Variants in ZFHX3 observed in about 807,000 individuals in gnomAD.
ZFHX3 encodes zinc finger homeobox protein 3.
ZFHX3 carries 42 observed loss-of-function variants against 279.1 expected under a neutral mutation model. That is an observed-to-expected ratio of 0.15 (90% CI 0.12 to 0.19). The LOEUF is 0.19. Ranked by LOEUF, ZFHX3 falls within the 10% of genes least tolerant of loss-of-function variation. ZFHX3 has a pLI of 1.00. For missense variants in ZFHX3, 4,981 were observed against 4,754.0 expected (o/e 1.05, Z -1.40); for synonymous variants, 2,293 against 1,957.8 (o/e 1.17, Z -4.52).
intron 4 of ZFHX3, among the ~76,000 whole-genome samples, chr16:73,294,827 A>C (rs922509161): frequency 1.3e-5 from 2 of 150,232 alleles, no homozygotes; most frequent in African/African-American, 4.9e-5. Flanking sequence ...AAAAAAAACC[A>C]AAAAACAAAA....
chr16:72,796,591 G>A lies in ZFHX3; in HGVS notation c.6091C>T (p.Pro2031Ser), dbSNP rs1597241053. 8.1e-6 allele frequency: 13 copies of A among 1,613,830 alleles called. No individual in the cohort carries two copies. In the East Asian group the frequency reaches 2.9e-4, roughly 36 times the overall value. ...QYRDHYDKLYPLRPQTPEPPP... is the reference protein window; with the variant it reads ...QYRDHYDKLYSLRPQTPEPPP... ...GGCTCTGGGGTCTGGGGCCTCAGTG[G>A]GTACAGTTTATCGTAGTGGTCTCTG... is the stretch of plus-strand genomic sequence containing the variant. Residue 2031 changes from proline (P) to serine (S), a missense_variant, in exon 9 of 10, where the codon CCA (proline) becomes TCA (serine). Around this residue, in one of 7 missense-constraint regions of ZFHX3, gnomAD observed 1,751 missense variants for 1,770.0 expected, o/e 0.99. Coordinates refer to ENST00000268489, the MANE Select transcript of ZFHX3 (RefSeq NM_006885.4).
Position 72,787,701 on chromosome 16 carries a change from G to T in ZFHX3, c.10575C>A (p.Gly3525=). ...ACGCCAGGCAGTGGTACGAGCCGCC[G>T]CCGCCGCCGCCGCCGCCACCGCCGC... ...GGGGGGGGGG[G]GGSYHCLACE... is the part of the protein sequence containing the mutation. The change falls in exon 10 of 10, where the codon GGC becomes GGA. Residue 3525 remains glycine (G), a synonymous_variant. Transcript: ENST00000268489. The T allele has an allele frequency of 3.8e-6, 5 of 1,322,576 alleles. No homozygotes were observed. Among genetic ancestry groups the T allele is most frequent in the Non-Finnish European group, 4.0e-6 (4 of 1,007,874 alleles). The allele number at this position is 1,322,576 out of a possible 1,614,324, so 81.9% of individuals were successfully genotyped here.
intron 3 of ZFHX3, among the ~76,000 whole-genome samples, chr16:73,429,221 A>C (rs1729554979): frequency 6.6e-6 from 1 of 152,200 alleles, no homozygotes; most frequent in Admixed American, 6.5e-5. Context: ...CAAAGTAGGT[A>C]AAGTAAGCTA....
chr16:72,891,644 G>A (rs2038776127), intron 3 of ZFHX3, among the ~76,000 whole-genome samples: 1 of 152,194 alleles, frequency 6.6e-6, no homozygotes, highest in Non-Finnish European at 1.5e-5. Flanking sequence ...GTTAGTTAGG[G>A]GGAGAGAGAG....
chr16:73,285,724 G>T (rs1400808203), intron 4 of ZFHX3, among the ~76,000 whole-genome samples: 1 of 152,148 alleles, frequency 6.6e-6, no homozygotes, highest in Non-Finnish European at 1.5e-5. Context: ...TTTTATTTAA[G>T]CCCCCTGTTA....
At chr16:73,664,228 C>A (rs1449347448) in intron 2 of ZFHX3, among the ~76,000 whole-genome samples, 2 of 152,150 alleles carry the variant, frequency 1.3e-5, no homozygotes, top group East Asian at 1.9e-4. Flanking sequence ...TTCTGCACAT[C>A]TAGAAGCCTT....
intron 3 of ZFHX3, among the ~76,000 whole-genome samples, chr16:72,929,166 A>G (rs1203759586): frequency 6.6e-6 from 1 of 151,926 alleles, no homozygotes; most frequent in East Asian, 1.9e-4. Context: ...TGAACCTGGG[A>G]AGTGGAGGTT....
Position 72,794,304 on chromosome 16 carries a change from T to G in ZFHX3, c.8378A>C (p.Glu2793Ala). The G allele has an allele frequency of 6.2e-7, 1 of 1,610,278 alleles. No homozygotes were observed. Among genetic ancestry groups the G allele is most frequent in the African/African-American group, 1.3e-5 (1 of 74,882 alleles). ...VPLSPVSKTMELSPRTLLSPS... is the reference protein window; with the variant it reads ...VPLSPVSKTMALSPRTLLSPS... ...GCTTAGAAGAGTTCTGGGTGACAAT[T>G]CCATGGTTTTACTCACAGGTGAGAG... Residue 2793 changes from glutamate to alanine, a missense_variant, in exon 9 of 10, where the codon GAA becomes GCA. Around this residue, in one of 7 missense-constraint regions of ZFHX3, gnomAD observed 744 missense variants for 701.3 expected, o/e 1.06. Coordinates refer to ENST00000268489, the MANE Select transcript of ZFHX3 (RefSeq NM_006885.4). This position sits in a 1 kb window ranked among gnomAD's most constrained non-coding sequence, Gnocchi z 4.2.
intron 5 of ZFHX3, among the ~76,000 whole-genome samples, chr16:73,171,267 T>C (rs1967516238): frequency 6.6e-6 from 1 of 152,102 alleles, no homozygotes; most frequent in Middle Eastern, 3.2e-3. Flanking sequence ...GTGCTATTAA[T>C]AATTACTCTG....
intron 1 of ZFHX3, among the ~76,000 whole-genome samples, chr16:72,995,474 C>T (rs765501408): frequency 1.1e-4 from 17 of 152,140 alleles, no homozygotes; most frequent in Non-Finnish European, 1.9e-4. Flanking sequence ...GAAATTAAAC[C>T]GCTGGCACAA....
intron 3 of ZFHX3, among the ~76,000 whole-genome samples, chr16:73,451,884 A>G (rs1377039037): frequency 1.3e-5 from 2 of 152,240 alleles, no homozygotes; most frequent in Non-Finnish European, 2.9e-5. Flanking sequence ...CGTCATTTTG[A>G]GCCCAACTTT....
chr16:73,750,022 AC>A (rs2053746961), intron 1 of ZFHX3, among the ~76,000 whole-genome samples: 1 of 152,086 alleles, frequency 6.6e-6, no homozygotes, highest in Admixed American at 6.5e-5. Flanking sequence ...CCACCCAACT[AC>A]CCATCCATTC....
chr16:72,876,781 G>A (rs1209978922), intron 4 of ZFHX3, among the ~76,000 whole-genome samples: 1 of 152,024 alleles, frequency 6.6e-6, no homozygotes, highest in Admixed American at 6.6e-5. Flanking sequence ...AGCCGCCTGT[G>A]GCCAGATTTT....
At position 73,763,037 on chromosome 16, in the gene ZFHX3, C is replaced by A. The variant is rs1023115960; in HGVS notation, c.-1607-82797G>T. On this transcript the variant is annotated intron_variant, in intron 1 of 17. Coordinates refer to the ZFHX3 transcript ENST00000641206. Reference sequence around the variant, plus strand: ...GTGGGATTCCTTCCCCTAAATATTTCCCCACTAATGTATTGTAATAAAATA... The same window carrying A: ...GTGGGATTCCTTCCCCTAAATATTTACCCACTAATGTATTGTAATAAAATA... 2.0e-5 allele frequency among the ~76,000 whole-genome samples: 3 copies of A among 152,148 alleles called. No individual in the cohort carries two copies. In the East Asian group the frequency reaches 5.8e-4, roughly 29 times the overall value.
intron 5 of ZFHX3, among the ~76,000 whole-genome samples, chr16:73,172,301 A>T (rs1967548944): frequency 6.6e-6 from 1 of 151,814 alleles, no homozygotes; most frequent in East Asian, 1.9e-4. Flanking sequence ...ACCAGCTCCG[A>T]CGCCCTCCTT....
chr16:73,170,029 G>A (rs1480230567), intron 5 of ZFHX3, among the ~76,000 whole-genome samples: 2 of 151,960 alleles, frequency 1.3e-5, no homozygotes. Context: ...ATGGAGGCAG[G>A]GGCCATATCC....
chr16:73,019,321 C>T (rs1468756242), intron 1 of ZFHX3, among the ~76,000 whole-genome samples: 8 of 124,894 alleles, frequency 6.4e-5, no homozygotes, highest in African/African-American at 1.6e-4. Context: ...CCTCCACCAG[C>T]GTGTGCGTGT....
chr16:73,561,428 T>C (rs2020367535), intron 2 of ZFHX3, among the ~76,000 whole-genome samples: 1 of 152,256 alleles, frequency 6.6e-6, no homozygotes, highest in Non-Finnish European at 1.5e-5. Flanking sequence ...TTAGAAAAGA[T>C]ATGCAGATAA....
At position 72,957,814 on chromosome 16, in the gene ZFHX3, C is replaced by CCGCCG. The variant is rs776208076; in HGVS notation, c.2331_2332insCGGCG (p.Ala778ArgfsTer48). On this transcript the variant is annotated frameshift_variant, in exon 2 of 10. Transcript: ENST00000268489. LOFTEE classifies it high-confidence loss of function. Reference sequence around the variant, plus strand: ...ATATTGGCTGCCGCCGCCGCCGCAGCCACCGCCGCCGCCGCCGCCCCGGCA... The same window carrying CCGCCG: ...ATATTGGCTGCCGCCGCCGCCGCAGCCGCCGCACCGCCGCCGCCGCCGCCCCGGCA... 52 of 796,198 alleles carry CCGCCG rather than the reference C, an allele frequency of 6.5e-5. No individual in the cohort carries two copies. The highest frequency in any genetic ancestry group is 2.9e-4 in the East Asian group (9 of 31,168). 49.3% of individuals were successfully genotyped at this position (796,198 alleles called of 1,614,324 possible).
Sources: gnomAD v4.1 joint callset for allele counts (sites outside exome capture counted in the v4.1 genomes callset) on GRCh38, gnomAD v4.1.1 for gene constraint, gnomAD v4.1.1 regional missense constraint, Gnocchi (gnomAD v3.1) non-coding constraint, MANE v1.5 for transcripts, NCBI Gene and HGNC (gene_info 2026-07-23, HGNC 2026-07-21) for gene names.